Variants in ABCG2 observed in about 807,000 individuals in gnomAD.
ABCG2 encodes ATP binding cassette subfamily G member 2 (JR blood group).
ABCG2 carries 80 observed loss-of-function variants against 73.5 expected under a neutral mutation model. The ratio of observed to expected loss-of-function variants is 1.09; its 90% confidence interval spans 0.91 to 1.31. The LOEUF (loss-of-function observed/expected upper bound fraction) is 1.31, where lower values mean the gene tolerates loss of function less well. Ranked by LOEUF, ABCG2 falls within the 50% of genes most tolerant of loss-of-function variation. The pLI is 0.00. For missense variants in ABCG2, 796 were observed against 786.2 expected (o/e 1.01, Z -0.15); for synonymous variants, 269 against 282.4 (o/e 0.95, Z 0.48).
At position 88,097,329 on chromosome 4, in the gene ABCG2, C is replaced by T. The variant is rs1379195333; in HGVS notation, c.1647+124G>A. 11 of 1,110,864 alleles carry T rather than the reference C, an allele frequency of 9.9e-6. No individual in the cohort carries two copies. The Admixed American group carries it at 1.9e-4, about 19-fold the overall frequency. 68.8% of individuals were successfully genotyped at this position (1,110,864 alleles called of 1,614,324 possible). On this transcript the variant is annotated intron_variant, in intron 13 of 15. Coordinates refer to ENST00000237612, the MANE Select transcript of ABCG2 (RefSeq NM_004827.3). ...AACATAATCTATTCCAGTAGATGGC[C>T]TTAAGTAAAGCAGAGCCCCATTTAC...
chr4:88,169,191 A>G (rs1727659542), intron 1 of ABCG2, among the ~76,000 whole-genome samples: 1 of 151,892 alleles, frequency 6.6e-6, no homozygotes, highest in African/African-American at 2.4e-5. Flanking sequence ...GATTACAGGC[A>G]TGCACCACCA....
At chr4:88,211,363 A>ACCCCC (rs34198736) in intron 1 of ABCG2, among the ~76,000 whole-genome samples, 2 of 47,530 alleles carry the variant, frequency 4.2e-5, no homozygotes, top group African/African-American at 7.6e-5. Flanking sequence ...CCCCTGCCCC[A>ACCCCC]CCCCCCCCCA....
At chr4:88,171,372 G>T (rs76368528) in intron 1 of ABCG2, among the ~76,000 whole-genome samples, 32,784 of 144,538 alleles carry the variant, frequency 0.23, 4,201 homozygotes, top group Non-Finnish European at 0.29. Flanking sequence ...AAAAAAAAAT[G>T]ATTGAACTAA....
At chr4:88,170,598 C>T (rs553596541) in intron 1 of ABCG2, among the ~76,000 whole-genome samples, 19 of 152,360 alleles carry the variant, frequency 1.2e-4, no homozygotes, top group African/African-American at 4.1e-4. Context: ...CTACTAGCCC[C>T]CTTGCCTCTC....
chr4:88,099,466 G>T lies in ABCG2; in HGVS notation c.1368-18C>A, dbSNP rs200693229. ...ATTCATGTCTATAGAACAAAAATACGTATCATACATCCAAGATTAGTTTAA... is the reference window on the plus strand; with the variant it reads ...ATTCATGTCTATAGAACAAAAATACTTATCATACATCCAAGATTAGTTTAA... On this transcript the variant is annotated intron_variant, in intron 11 of 15. Transcript: ENST00000237612. 1 of 1,585,594 alleles carries T rather than the reference G, an allele frequency of 6.3e-7. No individual in the cohort carries two copies. The highest frequency in any genetic ancestry group is 1.2e-5 in the South Asian group (1 of 85,212).
intron 1 of ABCG2, among the ~76,000 whole-genome samples, chr4:88,155,368 G>C (rs1012841756): frequency 9.9e-5 from 15 of 152,180 alleles, no homozygotes; most frequent in Admixed American, 8.5e-4. Context: ...GAAGAAATTT[G>C]GGTTTGACTG....
In ABCG2 at chr4:88,113,427, T is replaced by C; in HGVS notation, c.1070A>G (p.Lys357Arg). 1 of 1,614,178 alleles carries C rather than the reference T, an allele frequency of 6.2e-7. No homozygotes were observed. The highest frequency in any genetic ancestry group is 2.2e-5 in the East Asian group (1 of 44,878). The change falls in exon 9 of 16, where the codon AAG becomes AGG. Residue 357 changes from lysine (K) to arginine (R), a missense_variant. Physicochemically the swap from Lys to Arg is conservative, Grantham distance 26. Coordinates refer to ENST00000237612, the MANE Select transcript of ABCG2 (RefSeq NM_004827.3). ...AELHQLSGGE[K>R]KKKITVFKEI... is the part of the protein sequence containing the mutation. ...CTTGAAGACTGTGATCTTCTTCTTC[T>C]TCTCACCCCCGGAAAGTTGATGTAA...
Position 88,092,088 on chromosome 4 carries a change from T to TAA in ABCG2, c.*144_*145dup, listed in dbSNP as rs1721673746. On this transcript the variant is annotated 3_prime_UTR_variant, in exon 16 of 16. Transcript: ENST00000237612. ...GTTTAATTCAGTTTGTTGTGATTTCTAAAAATGTATCTCTTTAAAACAATT... is the reference window on the plus strand; with the variant it reads ...GTTTAATTCAGTTTGTTGTGATTTCTAAAAAAATGTATCTCTTTAAAACAATT... 2 of 736,778 alleles carry TAA rather than the reference T, an allele frequency of 2.7e-6. No homozygotes were observed. The highest frequency in any genetic ancestry group is 1.8e-5 in the African/African-American group (1 of 56,238). The allele number at this position is 736,778 out of a possible 1,614,324, so 45.6% of individuals were successfully genotyped here.
chr4:88,128,812 C>T (rs1020610712), intron 5 of ABCG2, among the ~76,000 whole-genome samples: 2 of 152,058 alleles, frequency 1.3e-5, no homozygotes, highest in Non-Finnish European at 2.9e-5. Flanking sequence ...AGGAGAAATA[C>T]CGAATGTAGA....
At chr4:88,213,468 C>T (rs970907421) in intron 1 of ABCG2, among the ~76,000 whole-genome samples, 3 of 152,096 alleles carry the variant, frequency 2.0e-5, no homozygotes, top group African/African-American at 7.2e-5. Flanking sequence ...GCCTTCTCTC[C>T]TATTACCCTA....
intron 1 of ABCG2, among the ~76,000 whole-genome samples, chr4:88,193,957 C>T (rs1728814008): frequency 1.3e-5 from 2 of 152,100 alleles, no homozygotes; most frequent in South Asian, 2.1e-4. Context: ...GTTGGCCAGA[C>T]TGGCCTTGAA....
chr4:88,177,671 A>G (rs1040730759), intron 1 of ABCG2, among the ~76,000 whole-genome samples: 72 of 152,152 alleles, frequency 4.7e-4, no homozygotes, highest in African/African-American at 1.7e-3. Flanking sequence ...ACACTGAAGA[A>G]GGTAGGAAAG....
At chr4:88,226,275 A>G (rs1162817291) in intron 1 of ABCG2, among the ~76,000 whole-genome samples, 2 of 152,212 alleles carry the variant, frequency 1.3e-5, no homozygotes, top group African/African-American at 4.8e-5. Flanking sequence ...CATCACTGTC[A>G]GAGTCAAGTC....
chr4:88,189,030 A>AC lies in ABCG2; in HGVS notation c.-20+41963dup, dbSNP rs397731318. Among the ~76,000 whole-genome samples the AC allele has an allele frequency of 1.9e-4, 28 of 150,166 alleles. No individual in the cohort carries two copies. In the East Asian group the frequency reaches 2.0e-3, roughly 11 times the overall value. On this transcript the variant is annotated intron_variant, in intron 1 of 15. Transcript: ENST00000515655. ...CCATGTTTAAACAACAACAAAAAAA[A>AC]CACAATATTAGATCTTCCAGTTCAT...
At chr4:88,200,577 A>T (rs868662524) in intron 1 of ABCG2, among the ~76,000 whole-genome samples, 1 of 152,282 alleles carries the variant, frequency 6.6e-6, no homozygotes, top group Middle Eastern at 3.4e-3. Context: ...CAGTGGTGGG[A>T]TCTTGGCTCA....
In ABCG2 at chr4:88,129,019, T is replaced by G. The variant is rs192754564; in HGVS notation, c.531+2042A>C. Reference sequence around the variant, plus strand: ...GAACACTAAAAGATAGGTGACATGGTGAAATCACAGTCTAAAAAGGGAGAT... The same window carrying G: ...GAACACTAAAAGATAGGTGACATGGGGAAATCACAGTCTAAAAAGGGAGAT... On this transcript the variant is annotated intron_variant, in intron 5 of 15. Coordinates refer to ENST00000237612, the MANE Select transcript of ABCG2 (RefSeq NM_004827.3). Among the ~76,000 whole-genome samples, 395 of 152,264 alleles carry G rather than the reference T, an allele frequency of 2.6e-3. 2 individuals carry two copies. Among genetic ancestry groups the G allele is most frequent in the African/African-American group, 9.0e-3 (372 of 41,552 alleles).
chr4:88,139,712 G>A, intron 2 of ABCG2, 81 bp downstream of exon 2: 4 of 1,238,912 alleles, frequency 3.2e-6, no homozygotes, highest in Non-Finnish European at 3.4e-6. Flanking sequence ...TTCATAGCCA[G>A]TTTCTTGGAA....
intron 15 of ABCG2, among the ~76,000 whole-genome samples, chr4:88,092,806 A>T (rs1029114293): frequency 1.3e-5 from 2 of 152,244 alleles, no homozygotes; most frequent in Admixed American, 1.3e-4. Context: ...ATCTGCTTAA[A>T]CAGATGACAC....
At chr4:88,098,673 T>C (rs1404813697) in intron 12 of ABCG2, among the ~76,000 whole-genome samples, 1 of 151,296 alleles carries the variant, frequency 6.6e-6, no homozygotes, top group African/African-American at 2.4e-5. Flanking sequence ...GATAGATAGA[T>C]AGATAGATAG....
Sources: allele counts gnomAD v4.1 joint callset (sites outside exome capture counted in the v4.1 genomes callset), GRCh38; gene constraint gnomAD v4.1.1; transcripts MANE v1.5; gene names NCBI Gene and HGNC (gene_info 2026-07-23, HGNC 2026-07-21).